Variants in MRPS16 observed in about 807,000 individuals in gnomAD.
MRPS16 encodes small ribosomal subunit protein bS16m.
A neutral mutation model predicts 11.0 loss-of-function variants in MRPS16; 5 were observed. That is an observed-to-expected ratio of 0.46 (90% CI 0.24 to 0.96). The LOEUF is 0.96. Among genes scored for constraint, MRPS16 ranks in the 40% least tolerant of loss-of-function variants. The pLI is 0.20. For missense variants in MRPS16, 179 were observed against 174.4 expected (o/e 1.03, Z -0.15); for synonymous variants, 76 against 65.0 (o/e 1.17, Z -0.81).
In MRPS16 at chr10:73,249,462, A is replaced by G; in HGVS notation, c.*1390T>C. The G allele has an allele frequency of 1.3e-6, 1 of 768,126 alleles. No individual in the cohort carries two copies. Among genetic ancestry groups the G allele is most frequent in the Non-Finnish European group, 2.1e-6 (1 of 484,040 alleles). 47.6% of individuals were successfully genotyped at this position (768,126 alleles called of 1,614,324 possible). On this transcript the variant is annotated 3_prime_UTR_variant, in exon 3 of 3. Coordinates refer to ENST00000372945, the MANE Select transcript of MRPS16 (RefSeq NM_016065.4). ...ATACAAGAAGTAAAATGCAACACTC[A>G]TTACAGGTTGTCAACATTATTGGTA...
In MRPS16 at chr10:73,249,124, G is replaced by A; in HGVS notation, c.*1728C>T. On this transcript the variant is annotated 3_prime_UTR_variant, in exon 3 of 3. Coordinates refer to ENST00000372945, the MANE Select transcript of MRPS16 (RefSeq NM_016065.4). ...TGTAGAGACGGGGTCTTGCTGTGTTGCACAGGCTGGTCTCAAACTCTGGCT... is the reference window on the plus strand; with the variant it reads ...TGTAGAGACGGGGTCTTGCTGTGTTACACAGGCTGGTCTCAAACTCTGGCT... The A allele has an allele frequency of 1.5e-6, 1 of 660,492 alleles. No individual in the cohort carries two copies. The allele number at this position is 660,492 out of a possible 1,614,324, so 40.9% of individuals were successfully genotyped here. A position where few individuals can be genotyped will look rare whatever the true frequency, so the allele number is the denominator to read the frequency against.
At position 73,249,159 on chromosome 10, in the gene MRPS16, C is replaced by G; in HGVS notation, c.*1693G>C. The G allele has an allele frequency of 1.2e-6, 1 of 855,444 alleles. No individual in the cohort carries two copies. The highest frequency in any genetic ancestry group is 1.8e-6 in the Non-Finnish European group (1 of 541,362). 53.0% of individuals were successfully genotyped at this position (855,444 alleles called of 1,614,324 possible). The stretch of plus-strand genomic sequence containing the variant: ...GTCTCAAACTCTGGCTTCAAGTGAT[C>G]CTTCCACCTCAGCCTCCCAAAGTGC... On this transcript the variant is annotated 3_prime_UTR_variant, in exon 3 of 3. Transcript: ENST00000372945.
rs765335639 is a variant in MRPS16 at position 73,250,871 on chromosome 10, G to T, written c.395C>A (p.Thr132Lys). Reference protein sequence around the residue: ...SQKTDAEATDTEATET With the variant: ...SQKTDAEATDKEATET ...GCTCATTTATGTTTCTGTAGCCTCT[G>T]TATCTGTAGCTTCTGCATCTGTTTT... Residue 132 changes from threonine (T) to lysine (K), a missense_variant, in exon 3 of 3, where the codon ACA (threonine) becomes AAA (lysine). Physicochemically the swap from Thr to Lys is moderately conservative, Grantham distance 78. Transcript: ENST00000372945. The T allele has an allele frequency of 7.4e-6, 12 of 1,613,970 alleles. No homozygotes were observed. Among genetic ancestry groups the T allele is most frequent in the African/African-American group, 1.3e-5 (1 of 74,920 alleles).
Position 73,249,116 on chromosome 10 carries a change from G to C in MRPS16, c.*1736C>G. On this transcript the variant is annotated 3_prime_UTR_variant, in exon 3 of 3. Transcript: ENST00000372945. ...TAAGTTTTTGTAGAGACGGGGTCTT[G>C]CTGTGTTGCACAGGCTGGTCTCAAA... 1 of 636,668 alleles carries C rather than the reference G, an allele frequency of 1.6e-6. No individual in the cohort carries two copies. The highest frequency in any genetic ancestry group is 2.8e-6 in the Non-Finnish European group (1 of 356,508). 39.4% of individuals were successfully genotyped at this position (636,668 alleles called of 1,614,324 possible).
In MRPS16 at chr10:73,250,421, G is replaced by A; in HGVS notation, c.*431C>T. The A allele has an allele frequency of 4.8e-6, 1 of 208,048 alleles. No homozygotes were observed. 12.9% of individuals were successfully genotyped at this position (208,048 alleles called of 1,614,324 possible). A position where few individuals can be genotyped will look rare whatever the true frequency, so the allele number is the denominator to read the frequency against. On this transcript the variant is annotated 3_prime_UTR_variant, in exon 3 of 3. Transcript: ENST00000372945. ...AAAAAAGAGAATATGCATTAGGCAA[G>A]ACAATATAAACCTCCAATTACAAAA...
At chr10:73,251,451 C>G (rs1020654705) in intron 2 of MRPS16, among the ~76,000 whole-genome samples, 2 of 152,160 alleles carry the variant, frequency 1.3e-5, no homozygotes, top group Non-Finnish European at 2.9e-5. Context: ...TCTTGGCTCA[C>G]TGCAACCTCC....
chr10:73,252,613 C>T lies in MRPS16; in HGVS notation c.-131G>A, dbSNP rs2044138423. 3 of 1,377,742 alleles carry T rather than the reference C, an allele frequency of 2.2e-6. No homozygotes were observed. Among genetic ancestry groups the T allele is most frequent in the Admixed American group, 2.0e-5 (1 of 48,874 alleles). 85.3% of individuals were successfully genotyped at this position (1,377,742 alleles called of 1,614,324 possible). A position where few individuals can be genotyped will look rare whatever the true frequency, so the allele number is the denominator to read the frequency against. On this transcript the variant is annotated 5_prime_UTR_variant, in exon 1 of 3. Transcript: ENST00000372945. ...CACCAGGCCGCACCGCCAAGCGGTA[C>T]AAGCCCGAAAACCTCGACTCCGGAA...
chr10:73,251,438 C>T (rs191180058), intron 2 of MRPS16, among the ~76,000 whole-genome samples: 8 of 152,024 alleles, frequency 5.3e-5, no homozygotes, highest in East Asian at 3.9e-4. Flanking sequence ...TGCAGTGACG[C>T]GATCTTGGCT....
Position 73,251,848 on chromosome 10 carries a change from T to G in MRPS16, c.189A>C (p.Glu63Asp), listed in dbSNP as rs1157234189. 1 of 1,614,196 alleles carries G rather than the reference T, an allele frequency of 6.2e-7. No homozygotes were observed. The highest frequency in any genetic ancestry group is 1.7e-5 in the Admixed American group (1 of 60,024). The change falls in exon 2 of 3, where the codon GAA becomes GAC. Residue 63 changes from glutamate to aspartate, a missense_variant. Physicochemically the swap from Glu to Asp is conservative, Grantham distance 45 (BLOSUM62 2). Transcript: ENST00000372945. ...TGTCTAGGTTGAGGGCAACGAGTTT[T>G]TCTCCATGACTGTTGGGCAATGGAT... ...SYDPLPNSHG[E>D]KLVALNLDRI...
rs778852449 is a variant in MRPS16 at position 73,249,557 on chromosome 10, A to T, written c.*1295T>A. On this transcript the variant is annotated 3_prime_UTR_variant, in exon 3 of 3. Coordinates refer to ENST00000372945, the MANE Select transcript of MRPS16 (RefSeq NM_016065.4). ...AAAATTACCAGCAAGAAAGAAAAGT[A>T]CAAGAATAAGGTTCACAGCTGAATT... is the stretch of plus-strand genomic sequence containing the variant. 13 of 507,326 alleles carry T rather than the reference A, an allele frequency of 2.6e-5. No homozygotes were observed. The highest frequency in any genetic ancestry group is 3.9e-5 in the African/African-American group (2 of 51,434). The allele number at this position is 507,326 out of a possible 1,614,324, so 31.4% of individuals were successfully genotyped here. A position where few individuals can be genotyped will look rare whatever the true frequency, so the allele number is the denominator to read the frequency against.
In MRPS16 at chr10:73,252,593, G is replaced by A; in HGVS notation, c.-111C>T. On this transcript the variant is annotated 5_prime_UTR_variant, in exon 1 of 3. Transcript: ENST00000372945. ...AGAAAGAACCTGCAAGCCGACACCAGGCCGCACCGCCAAGCGGTACAAGCC... is the reference window on the plus strand; with the variant it reads ...AGAAAGAACCTGCAAGCCGACACCAAGCCGCACCGCCAAGCGGTACAAGCC... 4 of 1,480,444 alleles carry A rather than the reference G, an allele frequency of 2.7e-6. No homozygotes were observed. Among genetic ancestry groups the A allele is most frequent in the East Asian group, 4.9e-5 (2 of 40,804 alleles). 91.7% of individuals were successfully genotyped at this position (1,480,444 alleles called of 1,614,324 possible).
rs1213139634 is a variant in MRPS16 at position 73,251,878 on chromosome 10, G to A, written c.159C>T (p.Ser53=). 2 of 1,614,196 alleles carry A rather than the reference G, an allele frequency of 1.2e-6. No individual in the cohort carries two copies. The highest frequency in any genetic ancestry group is 3.3e-5 in the Admixed American group (2 of 60,028). The change falls in exon 2 of 3, where the codon TCC becomes TCT. Residue 53 remains serine, a synonymous_variant. Coordinates refer to ENST00000372945, the MANE Select transcript of MRPS16 (RefSeq NM_016065.4). ...CATGACTGTTGGGCAATGGATCATA[G>A]GAGCCCAGCTGCTCTACGAAACGGC... ...RDGRFVEQLG[S]YDPLPNSHGE...
chr10:73,251,653 T>A, intron 2 of MRPS16, 110 bp downstream of exon 2: 1 of 1,497,578 alleles, frequency 6.7e-7, no homozygotes, highest in Non-Finnish European at 9.2e-7. Flanking sequence ...AGCGCTGAGA[T>A]TACAGGCGTG....
chr10:73,249,509 G>T lies in MRPS16; in HGVS notation c.*1343C>A. 1 of 561,102 alleles carries T rather than the reference G, an allele frequency of 1.8e-6. No homozygotes were observed. Among genetic ancestry groups the T allele is most frequent in the East Asian group, 3.1e-5 (1 of 32,676 alleles). The allele number at this position is 561,102 out of a possible 1,614,324, so 34.8% of individuals were successfully genotyped here. A position where few individuals can be genotyped will look rare whatever the true frequency, so the allele number is the denominator to read the frequency against. On this transcript the variant is annotated 3_prime_UTR_variant, in exon 3 of 3. Coordinates refer to ENST00000372945, the MANE Select transcript of MRPS16 (RefSeq NM_016065.4). ...GGTATACAGTTTATCCTAACACAGA[G>T]CAGCCTTCTTAACCTGCTCCATAAA... is the stretch of plus-strand genomic sequence containing the variant.
chr10:73,251,963 C>T lies in MRPS16; in HGVS notation c.74G>A (p.Gly25Asp), dbSNP rs762545511. The change falls in exon 2 of 3, where the codon GGC becomes GAC. Residue 25 changes from glycine (G) to aspartate (D), a missense_variant. Coordinates refer to ENST00000372945, the MANE Select transcript of MRPS16 (RefSeq NM_016065.4). The stretch of plus-strand genomic sequence containing the variant: ...GCGGTAGAACGGCCGATTGGTGCAG[C>T]CACCCAGGGCAAGGCGGATGGTTAA... Reference protein sequence around the residue: ...GHLTIRLALGGCTNRPFYRIV... With the variant: ...GHLTIRLALGDCTNRPFYRIV... 1.2e-6 allele frequency: 2 copies of T among 1,614,078 alleles called. No individual in the cohort carries two copies. The highest frequency in any genetic ancestry group is 2.2e-5 in the South Asian group (2 of 91,092).
At chr10:73,251,433 T>C (rs1450210399) in intron 2 of MRPS16, among the ~76,000 whole-genome samples, 1 of 152,096 alleles carries the variant, frequency 6.6e-6, no homozygotes, top group Non-Finnish European at 1.5e-5. Context: ...TGGAGTGCAG[T>C]GACGCGATCT....
In MRPS16 at chr10:73,252,000, G is replaced by C. The variant is rs1371941593; in HGVS notation, c.37C>G (p.Arg13Gly). ...AGGCGGATGGTTAAGTGGCCCCCAC[G>C]GTAGGCCTTGCAGAGGAGAGTAGCT... is the stretch of plus-strand genomic sequence containing the variant. ...HLTTLLCKAYRGGHLTIRLAL... is the reference protein window; with the variant it reads ...HLTTLLCKAYGGGHLTIRLAL... The change falls in exon 2 of 3, where the codon CGT becomes GGT. Residue 13 changes from arginine (R) to glycine (G), a missense_variant. Physicochemically the swap from Arg to Gly is moderately radical, Grantham distance 125. Coordinates refer to ENST00000372945, the MANE Select transcript of MRPS16 (RefSeq NM_016065.4). 2 of 1,613,970 alleles carry C rather than the reference G, an allele frequency of 1.2e-6. No homozygotes were observed. Among genetic ancestry groups the C allele is most frequent in the Non-Finnish European group, 1.7e-6 (2 of 1,179,940 alleles).
At chr10:73,251,692 T>C in intron 2 of MRPS16, 71 bp downstream of exon 2, 1 of 1,606,716 alleles carries the variant, frequency 6.2e-7, no homozygotes. Context: ...AAAATCATTC[T>C]TACACCTACT....
intron 2 of MRPS16, among the ~76,000 whole-genome samples, chr10:73,251,306 C>G (rs2044090146): frequency 6.6e-6 from 1 of 152,178 alleles, no homozygotes. Context: ...CCTCCAGATT[C>G]AAAATGCCAA....
Sources: allele counts gnomAD v4.1 joint callset (sites outside exome capture counted in the v4.1 genomes callset), GRCh38; gene constraint gnomAD v4.1.1; transcripts MANE v1.5; gene names NCBI Gene and HGNC (gene_info 2026-07-23, HGNC 2026-07-21).